The following ZNF446 variants were observed in gnomAD, a reference collection of about 807,000 sequenced individuals.
ZNF446 encodes zinc finger protein with KRAB and SCAN domains 20.
Under a neutral mutation model 34.0 loss-of-function variants are expected in ZNF446, and 42 were observed. The ratio of observed to expected loss-of-function variants is 1.23; its 90% CI spans 0.96 to 1.60. The LOEUF is 1.60. ZNF446 is among the 40% of genes most tolerant of loss of function. The pLI, the probability that ZNF446 is intolerant of heterozygous loss-of-function variation, is 0.00. For missense variants in ZNF446, 650 were observed against 600.2 expected (o/e 1.08, Z -0.87); for synonymous variants, 315 against 251.0 (o/e 1.25, Z -2.41).
At position 58,477,376 on chromosome 19, in the gene ZNF446, A is replaced by G. The variant is rs552302146; in HGVS notation, c.158A>G (p.Gln53Arg). 1.2e-6 allele frequency: 2 copies of G among 1,613,184 alleles called. No homozygotes were observed. The highest frequency in any genetic ancestry group is 1.7e-6 in the Non-Finnish European group (2 of 1,179,968). Reference sequence around the variant, plus strand: ...GCCCGGCTGCGTGAGCTGTGTTGCCAGTGGCTGCAGCCTGAGGCACACTCC... The same window carrying G: ...GCCCGGCTGCGTGAGCTGTGTTGCCGGTGGCTGCAGCCTGAGGCACACTCC... The part of the protein sequence containing the change: ...ALARLRELCC[Q>R]WLQPEAHSKE... Residue 53 changes from glutamine to arginine, a missense_variant, in exon 2 of 7, where the codon CAG becomes CGG. By Grantham distance (43) the Gln-to-Arg change is conservative. Coordinates refer to ENST00000594369, the MANE Select transcript of ZNF446 (RefSeq NM_017908.4).
At chr19:58,486,510 C>T in the ZNF446 span, among the ~76,000 whole-genome samples, 3 of 151,802 alleles carry the variant, frequency 2.0e-5, no homozygotes, top group African/African-American at 4.8e-5. Flanking sequence ...TGGGTTCAAG[C>T]GATTCTCCTG....
chr19:58,480,605 T>C lies in ZNF446; in HGVS notation c.1232T>C (p.Val411Ala). ...AGCTTCAGCTGGAAGTCGCAGCTGG[T>C]CATCCACCGCAAGAGCCACACAGGC... is the stretch of plus-strand genomic sequence containing the variant. The part of the protein sequence containing the change: ...GCSFSWKSQL[V>A]IHRKSHTGQR... The change falls in exon 7 of 7, where the codon GTC becomes GCC. Residue 411 changes from valine to alanine, a missense_variant. Transcript: ENST00000594369. The surrounding 1 kb of genome is among the most constrained non-coding windows in gnomAD (Gnocchi z 7.2). 6.2e-7 allele frequency: 1 copy of C among 1,612,500 alleles called. No individual in the cohort carries two copies. Among genetic ancestry groups the C allele is most frequent in the Non-Finnish European group, 8.5e-7 (1 of 1,179,926 alleles).
At chr19:58,485,258 T>C (rs2053163119), downstream of ZNF446, among the ~76,000 whole-genome samples, 1 of 150,902 alleles carries the variant, frequency 6.6e-6, no homozygotes, top group African/African-American at 2.4e-5. Flanking sequence ...CCCAGCACTT[T>C]GGGAGGCCGA....
downstream of ZNF446, among the ~76,000 whole-genome samples, chr19:58,481,912 A>G (rs958028121): frequency 5.3e-5 from 8 of 151,800 alleles, no homozygotes; most frequent in South Asian, 2.1e-4. Flanking sequence ...TCCTGCCTCA[A>G]CCTCCTGAGT....
chr19:58,484,697 A>C (rs150336930), downstream of ZNF446, among the ~76,000 whole-genome samples: 1 of 152,148 alleles, frequency 6.6e-6, no homozygotes, highest in Non-Finnish European at 1.5e-5. Context: ...TTTTTAAAAA[A>C]TTTTAAAAAC....
rs2053098022 is a variant in ZNF446 at position 58,477,449 on chromosome 19, A to G, written c.231A>G (p.Thr77=). The change falls in exon 2 of 7, where the codon ACA becomes ACG. Residue 77 remains threonine (T), a synonymous_variant. Transcript: ENST00000594369. ...TGGTGCTGGAGCAGTTCCTGGGCAC[A>G]CTGCCTCCCGAGATCCAGGCCTGGG... ...EMLVLEQFLG[T]LPPEIQAWVR... is the part of the protein sequence containing the mutation. 9 of 1,613,546 alleles carry G rather than the reference A, an allele frequency of 5.6e-6. No homozygotes were observed. Among genetic ancestry groups the G allele is most frequent in the Non-Finnish European group, 7.6e-6 (9 of 1,180,020 alleles).
rs2053135217 is a variant in ZNF446, at chr19:58,480,893, G to A, written c.*167G>A. 1 of 786,200 alleles carries A rather than the reference G, an allele frequency of 1.3e-6. No individual in the cohort carries two copies. Among genetic ancestry groups the A allele is most frequent in the Admixed American group, 2.9e-5 (1 of 34,276 alleles). 48.7% of individuals were successfully genotyped at this position (786,200 alleles called of 1,614,324 possible). ...CTGGTCTCCCCCAAAAGACCTGGGT[G>A]CAAGGAAAAGGAGCTGCTCTCTCTC... On this transcript the variant is annotated 3_prime_UTR_variant, in exon 7 of 7. Transcript: ENST00000594369. The surrounding 1 kb of genome is among the most constrained non-coding windows in gnomAD (Gnocchi z 7.2).
chr19:58,478,608 G>A lies in ZNF446; in HGVS notation c.627+427G>A, dbSNP rs577557077. Among the ~76,000 whole-genome samples, 7 of 151,884 alleles carry A rather than the reference G, an allele frequency of 4.6e-5. No homozygotes were observed. In the East Asian group the frequency reaches 1.4e-3, roughly 29 times the overall value. On this transcript the variant is annotated intron_variant, in intron 4 of 6. Transcript: ENST00000594369. ...GAACCCAGGAGGCAGAGGATGCAGT[G>A]AGCCGAGATTGTGCCACTGCGCTCC... is the stretch of plus-strand genomic sequence containing the variant.
chr19:58,477,152 G>A (rs1432385087), intron 1 of ZNF446, 27 bp from the exon 2 acceptor site: 3 of 1,406,782 alleles, frequency 2.1e-6, no homozygotes, highest in East Asian at 4.6e-5. Context: ...TCTCTTGGCT[G>A]ACATTCCGAC....
intron 1 of ZNF446, 69 bp from the exon 2 acceptor site, chr19:58,477,110 T>C (rs2053093180): frequency 1.0e-6 from 1 of 982,126 alleles, no homozygotes; most frequent in African/African-American, 1.6e-5. Context: ...CCCCCTGGGC[T>C]GAGCCTGGTG....
chr19:58,485,960 C>T (rs1600016997), downstream of ZNF446, among the ~76,000 whole-genome samples: 1 of 152,192 alleles, frequency 6.6e-6, no homozygotes, highest in East Asian at 1.9e-4. Context: ...CGCTCTGTCA[C>T]CCGGGGTGAA....
Position 58,478,124 on chromosome 19 carries a change from G to A in ZNF446, c.570G>A (p.Glu190=). 6.2e-7 allele frequency: 1 copy of A among 1,614,028 alleles called. No homozygotes were observed. The highest frequency in any genetic ancestry group is 1.1e-5 in the South Asian group (1 of 91,076). Residue 190 remains glutamate, a synonymous_variant, in exon 4 of 7, where the codon GAG becomes GAA. Transcript: ENST00000594369. ...CTCCACTTGCAGCACAGTCCCCTGA[G>A]GGGAACCATGGACACCAAGAACCAG... is the stretch of plus-strand genomic sequence containing the variant. The part of the protein sequence containing the change: ...SSPPLAAQSP[E]GNHGHQEPAS...
rs2053127117 is a variant in ZNF446, at chr19:58,480,306, G to A, written c.933G>A (p.Val311=). 1.9e-6 allele frequency: 3 copies of A among 1,579,564 alleles called. No homozygotes were observed. The highest frequency in any genetic ancestry group is 1.3e-5 in the African/African-American group (1 of 74,474). ...CTGTGCGCCCAGGGACACCGCCAGTGCCCACTCAGCCCACACCTGCAGAGA... is the reference window on the plus strand; with the variant it reads ...CTGTGCGCCCAGGGACACCGCCAGTACCCACTCAGCCCACACCTGCAGAGA... ...APTVRPGTPP[V]PTQPTPAETR... is the part of the protein sequence containing the mutation. Residue 311 remains valine (V), a synonymous_variant, in exon 7 of 7, where the codon GTG becomes GTA. Transcript: ENST00000594369. This position sits in a 1 kb window ranked among gnomAD's most constrained non-coding sequence, Gnocchi z 7.2.
In ZNF446 at chr19:58,480,349, G is replaced by A; in HGVS notation, c.976G>A (p.Ala326Thr). 1.2e-6 allele frequency: 2 copies of A among 1,600,408 alleles called. No homozygotes were observed. The highest frequency in any genetic ancestry group is 2.3e-5 in the East Asian group (1 of 44,408). ...TPAETRLEPA[A>T]TPRKPYTCEQ... is the part of the protein sequence containing the mutation. ...TGCAGAGACGAGACTGGAGCCGGCTGCCACCCCCAGGAAGCCCTACACGTG... is the reference window on the plus strand; with the variant it reads ...TGCAGAGACGAGACTGGAGCCGGCTACCACCCCCAGGAAGCCCTACACGTG... The change falls in exon 7 of 7, where the codon GCC becomes ACC. Residue 326 changes from alanine (A) to threonine (T), a missense_variant. By Grantham distance (58) the Ala-to-Thr change is moderately conservative. Coordinates refer to ENST00000594369, the MANE Select transcript of ZNF446 (RefSeq NM_017908.4). The surrounding 1 kb of genome is among the most constrained non-coding windows in gnomAD (Gnocchi z 7.2).
chr19:58,486,094 T>C (rs1032980887), downstream of ZNF446, among the ~76,000 whole-genome samples: 3 of 143,236 alleles, frequency 2.1e-5, no homozygotes, highest in Non-Finnish European at 3.1e-5. Flanking sequence ...CTTTCTTTTT[T>C]TTTTTTTTTT....
the ZNF446 span, among the ~76,000 whole-genome samples, chr19:58,488,003 C>CCCG: frequency 6.6e-6 from 1 of 152,112 alleles, no homozygotes; most frequent in African/African-American, 2.4e-5. Flanking sequence ...ACCTGCCTTG[C>CCCG]TCATGGCCAC....
At position 58,478,067 on chromosome 19, in the gene ZNF446, C is replaced by T. The variant is rs764884458; in HGVS notation, c.533-20C>T. 4.4e-6 allele frequency: 7 copies of T among 1,602,804 alleles called. No individual in the cohort carries two copies. The highest frequency in any genetic ancestry group is 3.4e-4 in the Middle Eastern group (2 of 5,966). ...GTGGGCAGCCCCTGACACCACCCTTCCATCTGCCCCACTTTTCAGCACCCT... is the reference window on the plus strand; with the variant it reads ...GTGGGCAGCCCCTGACACCACCCTTTCATCTGCCCCACTTTTCAGCACCCT... On this transcript the variant is annotated intron_variant, in intron 3 of 6. Transcript: ENST00000594369.
chr19:58,480,522 C>T lies in ZNF446; in HGVS notation c.1149C>T (p.His383=). ...CACAAGGGGAGGTGGCCTTTCCGCA[C>T]CACCCCCGACGCTCACTCACAGGCC... ...KPPQGEVAFP[H]HPRRSLTGPR... The change falls in exon 7 of 7, where the codon CAC becomes CAT. Residue 383 remains histidine, a synonymous_variant. Coordinates refer to ENST00000594369, the MANE Select transcript of ZNF446 (RefSeq NM_017908.4). This position sits in a 1 kb window ranked among gnomAD's most constrained non-coding sequence, Gnocchi z 7.2. 2 of 1,612,542 alleles carry T rather than the reference C, an allele frequency of 1.2e-6. No homozygotes were observed. Among genetic ancestry groups the T allele is most frequent in the Non-Finnish European group, 1.7e-6 (2 of 1,179,608 alleles).
In ZNF446 at chr19:58,480,601, C is replaced by T; in HGVS notation, c.1228C>T (p.Leu410=). Residue 410 remains leucine, a synonymous_variant, in exon 7 of 7, where the codon CTG becomes TTG. Transcript: ENST00000594369. The surrounding 1 kb of genome is among the most constrained non-coding windows in gnomAD (Gnocchi z 7.2). ...CGCSFSWKSQ[L]VIHRKSHTGQ... ...GTGCAGCTTCAGCTGGAAGTCGCAG[C>T]TGGTCATCCACCGCAAGAGCCACAC... 6.2e-7 allele frequency: 1 copy of T among 1,612,766 alleles called. No individual in the cohort carries two copies. The highest frequency in any genetic ancestry group is 8.5e-7 in the Non-Finnish European group (1 of 1,179,946).
Sources: gnomAD v4.1 joint callset for allele counts (sites outside exome capture counted in the v4.1 genomes callset) on GRCh38, gnomAD v4.1.1 for gene constraint, Gnocchi (gnomAD v3.1) non-coding constraint, MANE v1.5 for transcripts, NCBI Gene and HGNC (gene_info 2026-07-23, HGNC 2026-07-21) for gene names.